PRDM11: variants seen among roughly 807,000 people sequenced by gnomAD.
PRDM11 encodes PR domain-containing protein 11.
In PRDM11, 20 loss-of-function variants were observed where a neutral mutation model predicts 97.8. The ratio of observed to expected loss-of-function variants is 0.20; its 90% confidence interval spans 0.14 to 0.30. The LOEUF is 0.30. PRDM11 is among the 10% of genes least tolerant of loss of function. The pLI, the probability that PRDM11 is intolerant of heterozygous loss-of-function variation, is 1.00. For synonymous variants in PRDM11, 599 were observed against 637.7 expected (o/e 0.94, Z 0.91); for missense variants, 1,139 against 1,555.2 (o/e 0.73, Z 4.50).
Position 45,216,071 on chromosome 11 carries a change from C to T in PRDM11, c.555-3499C>T, listed in dbSNP as rs1017922539. On this transcript the variant is annotated intron_variant, in intron 5 of 7. Coordinates refer to ENST00000683152, the MANE Select transcript of PRDM11 (RefSeq NM_001384648.1). ...AATTGTTGTCTTAGTACTTACCTAT[C>T]CAGTCCCCAAGGTCAGCTGGGAGGT... is the stretch of plus-strand genomic sequence containing the variant. 8 of 152,640 alleles carry T rather than the reference C, an allele frequency of 5.2e-5. No homozygotes were observed. The South Asian group carries it at 1.7e-3, about 32-fold the overall frequency. The allele number at this position is 152,640 out of a possible 1,614,324, so 9.5% of individuals were successfully genotyped here.
At chr11:45,211,733 C>G (rs1456595204) in intron 5 of PRDM11, among the ~76,000 whole-genome samples, 1 of 152,124 alleles carries the variant, frequency 6.6e-6, no homozygotes, top group Non-Finnish European at 1.5e-5. Flanking sequence ...CACTCTTCCC[C>G]CCAAGTCCGC....
chr11:45,118,170 G>A (rs1852344749), intron 1 of PRDM11, among the ~76,000 whole-genome samples: 1 of 152,172 alleles, frequency 6.6e-6, no homozygotes, highest in Admixed American at 6.5e-5. Context: ...ATCTTAAAGA[G>A]ACTTGACAGT....
intron 1 of PRDM11, 112 bp from the exon 2 acceptor site, chr11:45,181,649 A>G (rs534699360): frequency 3.3e-5 from 26 of 787,836 alleles, no homozygotes; most frequent in Non-Finnish European, 4.6e-5. Flanking sequence ...TGGGGATGGC[A>G]GGGAGGGTAA....
chr11:45,208,506 A>G lies in PRDM11; in HGVS notation c.554+3728A>G, dbSNP rs1419627140. Among the ~76,000 whole-genome samples, 4 of 152,170 alleles carry G rather than the reference A, an allele frequency of 2.6e-5. No individual in the cohort carries two copies. In the East Asian group the frequency reaches 7.7e-4, roughly 29 times the overall value. On this transcript the variant is annotated intron_variant, in intron 5 of 7. Coordinates refer to ENST00000683152, the MANE Select transcript of PRDM11 (RefSeq NM_001384648.1). ...GAGATTTTAAGCCCCTTACATCATG[A>G]TGTGTTTCCCTCCTTAGTAATAAAC...
intron 4 of PRDM11, among the ~76,000 whole-genome samples, chr11:45,198,549 A>G (rs1197903870): frequency 6.6e-6 from 1 of 152,246 alleles, no homozygotes; most frequent in East Asian, 1.9e-4. Flanking sequence ...GAAAGTTGCA[A>G]ACAAATCAGG....
chr11:45,207,141 G>A (rs760718148), intron 5 of PRDM11, among the ~76,000 whole-genome samples: 6 of 152,192 alleles, frequency 3.9e-5, no homozygotes, highest in Non-Finnish European at 5.9e-5. Context: ...CCACGGAGAC[G>A]CCCCTCCTGT....
intron 7 of PRDM11, 144 bp downstream of exon 7, chr11:45,224,987 G>A (rs549373630): frequency 1.3e-6 from 2 of 1,507,882 alleles, no homozygotes; most frequent in East Asian, 2.3e-5. Context: ...GTGGGTGGGA[G>A]CCCAGGTCCT....
In PRDM11 at chr11:45,226,343, A is replaced by T. The variant is rs1180914774; in HGVS notation, c.1718A>T (p.Tyr573Phe). 6.5e-7 allele frequency: 1 copy of T among 1,533,852 alleles called. No homozygotes were observed. The highest frequency in any genetic ancestry group is 2.4e-5 in the East Asian group (1 of 40,920). Residue 573 changes from tyrosine to phenylalanine, a missense_variant, in exon 8 of 8, where the codon TAC becomes TTC. Physicochemically the swap from Tyr to Phe is conservative, Grantham distance 22 (BLOSUM62 3). Transcript: ENST00000683152. ...SNLHKKCLQL[Y>F]KLRMHPEKTE... is the part of the protein sequence containing the mutation. ...CTGCACAAGAAGTGCCTGCAACTGT[A>T]CAAGCTCCGCATGCACCCGGAGAAG...
intron 1 of PRDM11, among the ~76,000 whole-genome samples, chr11:45,104,717 A>T (rs1407964402): frequency 6.6e-6 from 1 of 152,234 alleles, no homozygotes; most frequent in African/African-American, 2.4e-5. Flanking sequence ...TCAGTGCTGC[A>T]GATGACACAG....
chr11:45,162,764 C>G (rs895883838), intron 1 of PRDM11, among the ~76,000 whole-genome samples: 1 of 152,170 alleles, frequency 6.6e-6, no homozygotes, highest in African/African-American at 2.4e-5. Context: ...GCTATAAAGC[C>G]TCTGATGGTC....
chr11:45,096,194 C>A (rs181823683), intron 1 of PRDM11, among the ~76,000 whole-genome samples: 9 of 152,322 alleles, frequency 5.9e-5, no homozygotes, highest in South Asian at 2.1e-4. Context: ...AGAGCAGGCA[C>A]CTGCCATGTT....
upstream of PRDM11, among the ~76,000 whole-genome samples, chr11:45,144,852 C>G (rs1230052884): frequency 6.6e-6 from 1 of 152,218 alleles, no homozygotes. Flanking sequence ...ACTTGGCATC[C>G]AAAACCATGC....
At chr11:45,108,544 C>T (rs1307335052) in intron 1 of PRDM11, among the ~76,000 whole-genome samples, 1 of 152,236 alleles carries the variant, frequency 6.6e-6, no homozygotes, top group African/African-American at 2.4e-5. Flanking sequence ...GCCCACGGAT[C>T]CCTTGCTCAG....
intron 4 of PRDM11, among the ~76,000 whole-genome samples, chr11:45,202,481 A>G (rs913290817): frequency 6.6e-6 from 1 of 152,236 alleles, no homozygotes; most frequent in Non-Finnish European, 1.5e-5. Flanking sequence ...GAGACCCAAA[A>G]GCTAAGAAGG....
chr11:45,110,556 C>T (rs1852154169), intron 1 of PRDM11, among the ~76,000 whole-genome samples: 1 of 152,232 alleles, frequency 6.6e-6, no homozygotes, highest in South Asian at 2.1e-4. Flanking sequence ...AAGGGGCTCT[C>T]CTCTGACCTG....
intron 1 of PRDM11, among the ~76,000 whole-genome samples, chr11:45,161,610 C>T (rs2135703634): frequency 6.6e-6 from 1 of 152,368 alleles, no homozygotes; most frequent in South Asian, 2.1e-4. Flanking sequence ...GAGAAGAAAG[C>T]AGTCTGGGGC....
intron 4 of PRDM11, among the ~76,000 whole-genome samples, chr11:45,191,946 G>A (rs59019045): frequency 2.2e-4 from 34 of 152,122 alleles, no homozygotes; most frequent in African/African-American, 7.2e-4. Flanking sequence ...CCGTCATCTA[G>A]GTTTTAAGCC....
chr11:45,108,595 C>T (rs1047066840), intron 1 of PRDM11, among the ~76,000 whole-genome samples: 3 of 152,162 alleles, frequency 2.0e-5, no homozygotes, highest in Admixed American at 6.5e-5. Context: ...ATTCCAGAGG[C>T]AGGTGTGTCC....
intron 1 of PRDM11, among the ~76,000 whole-genome samples, chr11:45,102,344 A>C (rs2135595521): frequency 6.6e-6 from 1 of 152,340 alleles, no homozygotes; most frequent in African/African-American, 2.4e-5. Flanking sequence ...ATGTGTGTTT[A>C]ATGATCCCCA....
Sources: gnomAD v4.1 joint callset for allele counts (sites outside exome capture counted in the v4.1 genomes callset) on GRCh38, gnomAD v4.1.1 for gene constraint, MANE v1.5 for transcripts, NCBI Gene and HGNC (gene_info 2026-07-23, HGNC 2026-07-21) for gene names.